Variants in COL24A1 observed in about 807,000 individuals in gnomAD.
COL24A1 encodes the protein collagen alpha-1(XXIV) chain.
A neutral mutation model predicts 253.9 loss-of-function variants in COL24A1; 224 were observed. The ratio of observed to expected loss-of-function variants is 0.88; its 90% CI spans 0.79 to 0.99. The LOEUF (loss-of-function observed/expected upper bound fraction) is 0.99, where lower values mean the gene tolerates loss of function less well. Ranked by LOEUF, COL24A1 falls within the 50% of genes least tolerant of loss-of-function variation. The probability of loss-of-function intolerance (pLI) is 0.00; values close to 1 mark genes in which losing one functional copy is unlikely to be tolerated. For missense variants in COL24A1, 2,131 were observed against 2,068.5 expected (o/e 1.03, Z -0.59); for synonymous variants, 685 against 673.7 (o/e 1.02, Z -0.26).
At chr1:85,731,658 GA>G (rs1468184917) in intron 59 of COL24A1, among the ~76,000 whole-genome samples, 3 of 152,130 alleles carry the variant, frequency 2.0e-5, no homozygotes, top group African/African-American at 7.2e-5. Context: ...AATACACGAT[GA>G]ATACAATAGT....
intron 39 of COL24A1, among the ~76,000 whole-genome samples, chr1:85,845,928 C>T (rs1186837898): frequency 6.6e-6 from 1 of 151,640 alleles, no homozygotes; most frequent in East Asian, 1.9e-4. Flanking sequence ...AAGAGGAAAT[C>T]ATAGCAAGAG....
At chr1:86,107,350 A>T (rs1267613471) in intron 5 of COL24A1, among the ~76,000 whole-genome samples, 1 of 152,198 alleles carries the variant, frequency 6.6e-6, no homozygotes, top group Non-Finnish European at 1.5e-5. Flanking sequence ...TACATAAAAT[A>T]AGTGGCAGAT....
At position 86,122,165 on chromosome 1, in the gene COL24A1, T is replaced by A. The variant is rs1240530597; in HGVS notation, c.1491+2680A>T. ...ATGACTTCTTCATCAAAATATCCAATAGATTATCGCTTTTTCTCAGTTCTC... is the reference window on the plus strand; with the variant it reads ...ATGACTTCTTCATCAAAATATCCAAAAGATTATCGCTTTTTCTCAGTTCTC... On this transcript the variant is annotated intron_variant, in intron 3 of 59. Transcript: ENST00000370571. 1.3e-4 allele frequency among the ~76,000 whole-genome samples: 19 copies of A among 141,542 alleles called. No individual in the cohort carries two copies. In the Admixed American group the frequency reaches 1.4e-3, roughly 10 times the overall value. The allele number at this position is 141,542 out of a possible 152,430, so 92.9% of individuals were successfully genotyped here. A position where few individuals can be genotyped will look rare whatever the true frequency, so the allele number is the denominator to read the frequency against.
intron 24 of COL24A1, among the ~76,000 whole-genome samples, chr1:85,912,187 G>A (rs995958545): frequency 6.6e-6 from 1 of 152,072 alleles, no homozygotes; most frequent in Non-Finnish European, 1.5e-5. Context: ...AATATTCTAG[G>A]TAGAGTAAAT....
chr1:85,785,509 T>C (rs941994288), intron 48 of COL24A1, among the ~76,000 whole-genome samples: 1 of 152,234 alleles, frequency 6.6e-6, no homozygotes, highest in African/African-American at 2.4e-5. Context: ...GGATCTTTCT[T>C]ATTGCAAATT....
Position 86,126,231 on chromosome 1 carries a change from G to A in COL24A1, c.122-17C>T. The A allele has an allele frequency of 3.9e-6, 6 of 1,551,326 alleles. No individual in the cohort carries two copies. The highest frequency in any genetic ancestry group is 5.2e-6 in the Non-Finnish European group (6 of 1,157,962). ...TATCTATGCCTGGAAATTTAAAAAA[G>A]AGAGAGAGAAAGAATCTTAATTTTA... On this transcript the variant is annotated splice_polypyrimidine_tract_variant and intron_variant, in intron 2 of 59. Coordinates refer to ENST00000370571, the MANE Select transcript of COL24A1 (RefSeq NM_152890.7).
At chr1:85,799,350 T>C (rs1370059895) in intron 47 of COL24A1, among the ~76,000 whole-genome samples, 1 of 128,798 alleles carries the variant, frequency 7.8e-6, no homozygotes, top group African/African-American at 3.1e-5. Flanking sequence ...TCTTTAAAGG[T>C]AAGCCAAGGA....
At chr1:85,967,771 T>G (rs921579169) in intron 22 of COL24A1, among the ~76,000 whole-genome samples, 4 of 152,250 alleles carry the variant, frequency 2.6e-5, no homozygotes, top group South Asian at 2.1e-4. Context: ...CAATAGGGTT[T>G]GCGCTCCTAT....
chr1:86,045,989 T>C lies in COL24A1; in HGVS notation c.1950+836A>G, dbSNP rs144671602. 794 of 305,606 alleles carry C rather than the reference T, an allele frequency of 2.6e-3. 4 individuals carry two copies. The highest frequency in any genetic ancestry group is 0.011 in the African/African-American group (515 of 45,728). The allele number at this position is 305,606 out of a possible 1,614,324, so 18.9% of individuals were successfully genotyped here. A position where few individuals can be genotyped will look rare whatever the true frequency, so the allele number is the denominator to read the frequency against. ...TTACTGATTTTACCACTTTTAACTA[T>C]CTGATCTGAGCAAGTCTTTTAACAT... On this transcript the variant is annotated intron_variant, in intron 12 of 59. Coordinates refer to ENST00000370571, the MANE Select transcript of COL24A1 (RefSeq NM_152890.7).
At chr1:85,766,391 G>GAAAAAAAAAAAAAAAAAAAAAAA (rs1667379547) in intron 53 of COL24A1, among the ~76,000 whole-genome samples, 1 of 36,984 alleles carries the variant, frequency 2.7e-5, no homozygotes, top group Non-Finnish European at 6.8e-5. Flanking sequence ...AAAAAAAAAA[G>GAAAAAAAAAAAAAAAAAAAAAAA]AAAGAAAGAA....
rs752905142 is a variant in COL24A1 at position 85,761,528 on chromosome 1, C to T, written c.4410+3G>A. On this transcript the variant is annotated splice_donor_region_variant and intron_variant, in intron 54 of 59. Transcript: ENST00000370571. The stretch of plus-strand genomic sequence containing the variant: ...AAACAGATATAAATGAAAACCAACT[C>T]ACTGGAGGCCCTGGTTGACCTCTTG... 7.4e-6 allele frequency: 12 copies of T among 1,614,074 alleles called. No homozygotes were observed. The highest frequency in any genetic ancestry group is 1.6e-4 in the Middle Eastern group (1 of 6,062).
At chr1:85,813,705 T>C (rs895734059) in intron 47 of COL24A1, among the ~76,000 whole-genome samples, 3 of 150,664 alleles carry the variant, frequency 2.0e-5, no homozygotes, top group East Asian at 1.9e-4. Flanking sequence ...CGCCCGCCAC[T>C]ACGCCCGGCT....
At chr1:85,793,249 T>C (rs1273035538) in intron 47 of COL24A1, among the ~76,000 whole-genome samples, 1 of 152,164 alleles carries the variant, frequency 6.6e-6, no homozygotes, top group East Asian at 1.9e-4. Context: ...TCATCTCCAA[T>C]CCTGGGTGCT....
chr1:85,901,043 A>G (rs1684237456), intron 28 of COL24A1, among the ~76,000 whole-genome samples: 1 of 152,244 alleles, frequency 6.6e-6, no homozygotes, highest in Non-Finnish European at 1.5e-5. Context: ...AACAAAACCA[A>G]AAATAGACAA....
chr1:86,087,600 ATTC>A (rs146632358), intron 7 of COL24A1, among the ~76,000 whole-genome samples: 1,993 of 152,348 alleles, frequency 0.013, 45 homozygotes, highest in African/African-American at 0.046. Context: ...TGAGTAGTTT[ATTC>A]TTCTGTCATG....
chr1:85,742,182 G>T (rs1664725228), intron 57 of COL24A1, among the ~76,000 whole-genome samples: 1 of 145,072 alleles, frequency 6.9e-6, no homozygotes, highest in Non-Finnish European at 1.5e-5. Flanking sequence ...GGCCAGGCTG[G>T]AGTGTGGCGG....
At position 86,124,993 on chromosome 1, in the gene COL24A1, C is replaced by T. The variant is rs1169342449; in HGVS notation, c.1343G>A (p.Arg448Lys). 2 of 1,613,066 alleles carry T rather than the reference C, an allele frequency of 1.2e-6. No homozygotes were observed. The highest frequency in any genetic ancestry group is 8.5e-7 in the Non-Finnish European group (1 of 1,179,618). The change falls in exon 3 of 60, where the codon AGG (arginine) becomes AAG (lysine). Residue 448 changes from arginine to lysine, a missense_variant. Transcript: ENST00000370571. Reference protein sequence around the residue: ...EPSVDNHLDLRKEGEFYPDAT... With the variant: ...EPSVDNHLDLKKEGEFYPDAT... ...ATCAGGATAAAATTCACCTTCTTTC[C>T]TTAGATCAAGGTGATTATCCACAGA...
intron 19 of COL24A1, among the ~76,000 whole-genome samples, chr1:86,014,028 A>G (rs1262562386): frequency 6.6e-6 from 1 of 152,160 alleles, no homozygotes; most frequent in Non-Finnish European, 1.5e-5. Flanking sequence ...AGACTATCCT[A>G]TCTGACCTCT....
chr1:85,995,661 C>G (rs1178696606), intron 19 of COL24A1, among the ~76,000 whole-genome samples: 1 of 152,078 alleles, frequency 6.6e-6, no homozygotes, highest in East Asian at 1.9e-4. Flanking sequence ...GGTGTGTTCA[C>G]TATCCTGATT....
Sources: gnomAD v4.1 joint callset for allele counts (sites outside exome capture counted in the v4.1 genomes callset) on GRCh38, gnomAD v4.1.1 for gene constraint, MANE v1.5 for transcripts, NCBI Gene and HGNC (gene_info 2026-07-23, HGNC 2026-07-21) for gene names.